Variants in LRRC37A2 observed in about 807,000 individuals in gnomAD.
LRRC37A2 encodes leucine-rich repeat-containing protein 37A2.
Under a neutral mutation model 68.8 loss-of-function variants are expected in LRRC37A2, and 9 were observed. The ratio of observed to expected loss-of-function variants is 0.13; its 90% CI spans 0.08 to 0.23. The LOEUF (loss-of-function observed/expected upper bound fraction) is 0.23. Ranked by LOEUF, LRRC37A2 falls within the 10% of genes least tolerant of loss-of-function variation. The probability of loss-of-function intolerance (pLI) is 1.00; values close to 1 mark genes in which losing one functional copy is unlikely to be tolerated. For synonymous variants in LRRC37A2, 63 were observed against 367.6 expected (o/e 0.17, Z 9.48); for missense variants, 168 against 950.4 (o/e 0.18, Z 10.82).
At chr17:46,785,067 G>A in the LRRC37A2 span, among the ~76,000 whole-genome samples, 13 of 152,080 alleles carry the variant, frequency 8.5e-5, no homozygotes, top group South Asian at 4.2e-4. Context: ...GTGAGCCACC[G>A]TGCCCGGCCT....
chr17:46,409,367 G>A, the LRRC37A2 span, among the ~76,000 whole-genome samples: 1 of 146,988 alleles, frequency 6.8e-6, no homozygotes, highest in Non-Finnish European at 1.5e-5. Flanking sequence ...CACGATCATG[G>A]CTCCTGGTCT....
At chr17:46,977,679 CT>C in the LRRC37A2 span, among the ~76,000 whole-genome samples, 1 of 152,250 alleles carries the variant, frequency 6.6e-6, no homozygotes, top group Non-Finnish European at 1.5e-5. Context: ...ACCCCCACCC[CT>C]ATGGGATGCA....
chr17:46,779,653 T>C, the LRRC37A2 span, among the ~76,000 whole-genome samples: 6 of 152,194 alleles, frequency 3.9e-5, no homozygotes, highest in African/African-American at 1.4e-4. Context: ...TGCATGGCCT[T>C]ATCTAACTCC....
chr17:46,476,582 G>A, the LRRC37A2 span, among the ~76,000 whole-genome samples: 1 of 103,338 alleles, frequency 9.7e-6, no homozygotes, highest in African/African-American at 3.0e-5. Flanking sequence ...TACTCGGAAG[G>A]CTGAGATAGG....
At chr17:46,736,902 A>G in the LRRC37A2 span, among the ~76,000 whole-genome samples, 1 of 152,246 alleles carries the variant, frequency 6.6e-6, no homozygotes, top group African/African-American at 2.4e-5. Flanking sequence ...CACTTGGCTC[A>G]GTGCCATGCT....
chr17:46,950,700 G>C, the LRRC37A2 span, among the ~76,000 whole-genome samples: 1 of 152,190 alleles, frequency 6.6e-6, no homozygotes, highest in Non-Finnish European at 1.5e-5. Flanking sequence ...GCCCTGCTCA[G>C]TGGCTTGAGA....
chr17:46,894,005 A>T, the LRRC37A2 span, among the ~76,000 whole-genome samples: 4 of 152,236 alleles, frequency 2.6e-5, no homozygotes, highest in Non-Finnish European at 5.9e-5. Flanking sequence ...ACTCCAGACC[A>T]GGATACTCAT....
At chr17:46,729,801 T>C in the LRRC37A2 span, among the ~76,000 whole-genome samples, 1 of 152,196 alleles carries the variant, frequency 6.6e-6, no homozygotes, top group Non-Finnish European at 1.5e-5. Context: ...TTAACAGTTA[T>C]ATATGTGCGT....
the LRRC37A2 span, among the ~76,000 whole-genome samples, chr17:46,998,513 C>T: frequency 1.3e-5 from 2 of 152,318 alleles, no homozygotes; most frequent in South Asian, 2.1e-4. Context: ...CAGAAGAGTG[C>T]TTGATGGGCA....
At chr17:46,821,928 G>A in the LRRC37A2 span, among the ~76,000 whole-genome samples, 3 of 152,234 alleles carry the variant, frequency 2.0e-5, no homozygotes, top group Admixed American at 1.3e-4. Flanking sequence ...GGGGCTACCC[G>A]TCTGTCGCGG....
At chr17:46,392,431 C>CTCTTTCTTTCTTTCTTTCTTTCTTTCTT in the LRRC37A2 span, among the ~76,000 whole-genome samples, 1 of 29,618 alleles carries the variant, frequency 3.4e-5, no homozygotes, top group African/African-American at 7.8e-5. Context: ...CTTTCTTTCT[C>CTCTTTCTTTCTTTCTTTCTTTCTTTCTT]TCTTTCTTTC....
chr17:46,695,221 G>T, the LRRC37A2 span, among the ~76,000 whole-genome samples: 1 of 140,086 alleles, frequency 7.1e-6, no homozygotes, highest in Non-Finnish European at 1.5e-5. Flanking sequence ...ACTCCAGCCT[G>T]GGTGACAGAG....
At chr17:46,841,243 C>T in the LRRC37A2 span, among the ~76,000 whole-genome samples, 1 of 152,222 alleles carries the variant, frequency 6.6e-6, no homozygotes, top group Non-Finnish European at 1.5e-5. Context: ...TCCCTATTTA[C>T]AGTCGGAGAA....
the LRRC37A2 span, among the ~76,000 whole-genome samples, chr17:46,896,334 A>G: frequency 6.6e-6 from 1 of 150,498 alleles, no homozygotes; most frequent in Non-Finnish European, 1.5e-5. Flanking sequence ...AGAGAAAGAG[A>G]GAGAGAGAAA....
the LRRC37A2 span, among the ~76,000 whole-genome samples, chr17:47,005,412 T>G: frequency 1.3e-5 from 2 of 152,176 alleles, no homozygotes; most frequent in Non-Finnish European, 2.9e-5. Context: ...GTTAAGTCTG[T>G]TTTTTCGTAT....
the LRRC37A2 span, chr17:46,938,496 C>T: frequency 6.3e-7 from 1 of 1,579,472 alleles, no homozygotes; most frequent in South Asian, 1.1e-5. Context: ...TGGGCATGAC[C>T]AAGAGAATGT....
chr17:46,948,933 C>T, the LRRC37A2 span: 2 of 152,232 alleles, frequency 1.3e-5, no homozygotes, highest in South Asian at 2.1e-4. Context: ...TTCATCCATT[C>T]TTTCGATAGC....
At chr17:46,724,185 C>T in the LRRC37A2 span, among the ~76,000 whole-genome samples, 1 of 152,192 alleles carries the variant, frequency 6.6e-6, no homozygotes, top group Non-Finnish European at 1.5e-5. Flanking sequence ...CTTCAAGTCT[C>T]AGGTTAAGTG....
the LRRC37A2 span, among the ~76,000 whole-genome samples, chr17:46,466,813 A>G: frequency 9.7e-6 from 1 of 102,626 alleles, no homozygotes; most frequent in Non-Finnish European, 2.1e-5. Context: ...TGGATCCTTC[A>G]GGAATCACCA....
Sources: allele counts gnomAD v4.1 joint callset (sites outside exome capture counted in the v4.1 genomes callset), GRCh38; gene constraint gnomAD v4.1.1; transcripts MANE v1.5; gene names NCBI Gene and HGNC (gene_info 2026-07-23, HGNC 2026-07-21).